Variants in SNTG2 observed in about 807,000 individuals in gnomAD.
The protein encoded by SNTG2 is syntrophin gamma 2.
A neutral mutation model predicts 70.9 loss-of-function variants in SNTG2; 74 were observed. That is an observed-to-expected ratio of 1.04 (90% CI 0.86 to 1.27). The LOEUF (loss-of-function observed/expected upper bound fraction) is 1.27. Among genes scored for constraint, SNTG2 ranks in the 50% most tolerant of loss-of-function variants. The pLI is 0.00. For missense variants in SNTG2, 717 were observed against 690.7 expected (o/e 1.04, Z -0.43); for synonymous variants, 278 against 273.8 (o/e 1.02, Z -0.15).
At chr2:1,237,806 C>T in intron 9 of SNTG2, 82 bp from the exon 10 acceptor site, 1 of 1,505,828 alleles carries the variant, frequency 6.6e-7, no homozygotes. Flanking sequence ...TAGAGCCCTG[C>T]TGAGCATCAG....
chr2:1,029,260 C>T (rs1660679067), intron 1 of SNTG2, among the ~76,000 whole-genome samples: 2 of 152,120 alleles, frequency 1.3e-5, no homozygotes, highest in African/African-American at 4.8e-5. Context: ...TTTTAAATGA[C>T]TAAGAGGAGG....
intron 16 of SNTG2, among the ~76,000 whole-genome samples, chr2:1,318,831 T>A (rs1681403071): frequency 6.6e-6 from 1 of 152,146 alleles, no homozygotes; most frequent in African/African-American, 2.4e-5. Flanking sequence ...GCTCTGAGTC[T>A]CATACTGTGA....
chr2:964,798 C>G (rs1026621089), intron 1 of SNTG2, among the ~76,000 whole-genome samples: 3 of 152,264 alleles, frequency 2.0e-5, no homozygotes, highest in South Asian at 2.1e-4. Flanking sequence ...GCAGCCTTGC[C>G]GTCCACTGCG....
At chr2:1,225,621 C>T (rs546026091) in intron 9 of SNTG2, among the ~76,000 whole-genome samples, 2 of 152,286 alleles carry the variant, frequency 1.3e-5, no homozygotes, top group South Asian at 2.1e-4. Context: ...TTTGAGCCAG[C>T]GCTTCTGTCA....
chr2:981,815 CTA>C (rs1179345678), intron 1 of SNTG2, among the ~76,000 whole-genome samples: 3 of 152,328 alleles, frequency 2.0e-5, no homozygotes, highest in East Asian at 3.9e-4. Context: ...GCACATGAAA[CTA>C]TGCACACACA....
At position 991,372 on chromosome 2, in the gene SNTG2, T is replaced by TACACACACACACACAC. The variant is rs61002101; in HGVS notation, c.72+40324_72+40339dup. On this transcript the variant is annotated intron_variant, in intron 1 of 16. Transcript: ENST00000308624. ...AGGGAGCTTATAAGTTCTGTAATATTACACACACACACACACACACACACA... is the reference window on the plus strand; with the variant it reads ...AGGGAGCTTATAAGTTCTGTAATATTACACACACACACACACACACACACACACACACACACACACA... Among the ~76,000 whole-genome samples the TACACACACACACACAC allele has an allele frequency of 6.8e-3, 953 of 140,320 alleles. 7 individuals are homozygous for TACACACACACACACAC. The highest frequency in any genetic ancestry group is 0.014 in the South Asian group (57 of 3,948). 92.1% of individuals were successfully genotyped at this position (140,320 alleles called of 152,430 possible).
chr2:1,281,214 T>C (rs1417763781), intron 14 of SNTG2, among the ~76,000 whole-genome samples: 1 of 97,872 alleles, frequency 1.0e-5, no homozygotes, highest in African/African-American at 4.3e-5. Flanking sequence ...GTGTGGTGTG[T>C]GTGTGTTTGT....
chr2:1,284,336 A>T (rs1293178655), intron 14 of SNTG2, among the ~76,000 whole-genome samples: 1 of 152,168 alleles, frequency 6.6e-6, no homozygotes, highest in Admixed American at 6.5e-5. Context: ...AGCTGTTCAG[A>T]TTCTGGCGGG....
intron 8 of SNTG2, among the ~76,000 whole-genome samples, chr2:1,207,763 G>A (rs538390114): frequency 1.3e-5 from 2 of 152,142 alleles, no homozygotes; most frequent in South Asian, 2.1e-4. Context: ...TCCTCTCACC[G>A]CAAACCAACC....
chr2:1,203,577 C>G (rs1338228475), intron 8 of SNTG2, among the ~76,000 whole-genome samples: 2 of 151,190 alleles, frequency 1.3e-5, no homozygotes, highest in Admixed American at 1.3e-4. Flanking sequence ...TTGTTTGAAC[C>G]CAGGAAGCTG....
intron 9 of SNTG2, among the ~76,000 whole-genome samples, chr2:1,233,164 C>T (rs535661934): frequency 7.2e-5 from 11 of 152,164 alleles, no homozygotes; most frequent in Non-Finnish European, 1.5e-4. Context: ...TGACTTTCTC[C>T]GGCATTGAAG....
intron 9 of SNTG2, among the ~76,000 whole-genome samples, chr2:1,235,268 C>T (rs1299470724): frequency 9.9e-6 from 1 of 101,502 alleles, no homozygotes; most frequent in Non-Finnish European, 2.1e-5. Flanking sequence ...CCTGAGGTCC[C>T]TGCAGGCCCC....
intron 9 of SNTG2, among the ~76,000 whole-genome samples, chr2:1,217,680 A>G (rs1262081440): frequency 1.3e-5 from 2 of 152,144 alleles, no homozygotes; most frequent in Non-Finnish European, 2.9e-5. Flanking sequence ...AATGTAGTAC[A>G]TTGTATGTAG....
intron 11 of SNTG2, among the ~76,000 whole-genome samples, chr2:1,242,321 C>A (rs1039793477): frequency 6.6e-6 from 1 of 151,740 alleles, no homozygotes; most frequent in Non-Finnish European, 1.5e-5. Flanking sequence ...GTGAAAAATG[C>A]GAATTTTATG....
intron 9 of SNTG2, among the ~76,000 whole-genome samples, chr2:1,228,957 C>T (rs988593463): frequency 1.2e-4 from 18 of 151,748 alleles, no homozygotes; most frequent in Non-Finnish European, 1.2e-4. Context: ...GCTCTTAAGG[C>T]GGTGCGTCTG....
rs1675095824 is a variant in SNTG2 at position 1,222,021 on chromosome 2, G to GTC, written c.719+12795_719+12796dup. ...TCTCTGTCTCTCTCTGTCTCTCTCT[G>GTC]TCTCTGCCTATCTCTGTCTCTCTCT... On this transcript the variant is annotated intron_variant, in intron 9 of 16. Coordinates refer to ENST00000308624, the MANE Select transcript of SNTG2 (RefSeq NM_018968.4). Among the ~76,000 whole-genome samples the GTC allele has an allele frequency of 1.4e-4, 6 of 41,818 alleles. 1 individual carries two copies. The highest frequency in any genetic ancestry group is 1.6e-3 in the South Asian group (2 of 1,230). The allele number at this position is 41,818 out of a possible 152,430, so 27.4% of individuals were successfully genotyped here.
At chr2:1,049,920 A>T (rs73166554) in intron 1 of SNTG2, among the ~76,000 whole-genome samples, 6,353 of 152,308 alleles carry the variant, frequency 0.042, 374 homozygotes, top group African/African-American at 0.13. Context: ...CCATATGCTT[A>T]TCTGCCATCT....
rs116177278 is a variant in SNTG2, at chr2:1,367,424, G to A, written c.1570G>A (p.Gly524Ser). The A allele has an allele frequency of 2.6e-6, 4 of 1,551,586 alleles. No homozygotes were observed. The highest frequency in any genetic ancestry group is 1.4e-5 in the African/African-American group (1 of 73,116). ...IAAKVASVDP[G>S]FMDSQSLARK... is the part of the protein sequence containing the mutation. ...AGCCAAGGTGGCCTCCGTGGACCCC[G>A]GCTTCATGGACAGTCAGAGTCTTGC... Residue 524 changes from glycine (G) to serine (S), a missense_variant, in exon 17 of 17, where the codon GGC (glycine) becomes AGC (serine). Coordinates refer to ENST00000308624, the MANE Select transcript of SNTG2 (RefSeq NM_018968.4).
intron 1 of SNTG2, among the ~76,000 whole-genome samples, chr2:1,034,067 A>G (rs1660994479): frequency 6.6e-6 from 1 of 152,108 alleles, no homozygotes; most frequent in African/African-American, 2.4e-5. Context: ...TTTGTTGTAC[A>G]GGTTTTTGTC....
Sources: allele counts gnomAD v4.1 joint callset (sites outside exome capture counted in the v4.1 genomes callset), GRCh38; gene constraint gnomAD v4.1.1; transcripts MANE v1.5; gene names NCBI Gene and HGNC (gene_info 2026-07-23, HGNC 2026-07-21).